MGAT4C: variants seen among roughly 807,000 people sequenced by gnomAD.
MGAT4C encodes alpha-1,3-mannosyl-glycoprotein 4-beta-N-acetylglucosaminyltransferase C.
Under a neutral mutation model 40.1 loss-of-function variants are expected in MGAT4C, and 19 were observed. That is an observed-to-expected ratio of 0.47 (90% CI 0.33 to 0.70). The LOEUF is 0.70. MGAT4C is among the 30% of genes least tolerant of loss of function. The pLI is 0.02. For missense variants in MGAT4C, 491 were observed against 563.2 expected, an observed-to-expected ratio of 0.87 and a Z score of 1.30; for synonymous variants, 181 against 187.1, an observed-to-expected ratio of 0.97 and a Z score of 0.27.
chr12:86,264,711 C>T (rs934680514), intron 4 of MGAT4C, among the ~76,000 whole-genome samples: 3 of 151,558 alleles, frequency 2.0e-5, no homozygotes, highest in Non-Finnish European at 2.9e-5. Context: ...ACCCAAGCAT[C>T]TCTGCACTCT....
intron 3 of MGAT4C, among the ~76,000 whole-genome samples, chr12:86,365,171 C>T (rs576700686): frequency 3.2e-4 from 48 of 152,230 alleles, no homozygotes; most frequent in Non-Finnish European, 2.8e-4. Flanking sequence ...ATGTTCCTTG[C>T]TGAGAAAAAG....
At chr12:86,658,866 A>G (rs139212043) in intron 2 of MGAT4C, among the ~76,000 whole-genome samples, 88 of 152,180 alleles carry the variant, frequency 5.8e-4, no homozygotes, top group African/African-American at 1.9e-3. Context: ...TCTTCTATGC[A>G]TAAGGCTTAA....
upstream of MGAT4C, among the ~76,000 whole-genome samples, chr12:86,259,832 C>T (rs537189792): frequency 2.8e-3 from 27 of 9,486 alleles, no homozygotes; most frequent in African/African-American, 0.021. Context: ...CATAACTCAG[C>T]ACCCTGACTA....
intron 1 of MGAT4C, among the ~76,000 whole-genome samples, chr12:86,751,915 C>A (rs1407900363): frequency 6.6e-6 from 1 of 151,804 alleles, no homozygotes; most frequent in South Asian, 2.1e-4. Flanking sequence ...TTGTTAGGAC[C>A]AGGCTTAATT....
In MGAT4C at chr12:86,109,384, C is replaced by T. The variant is rs954635418; in HGVS notation, c.-56-59661G>A. ...CAAAGAAGTCATATTCTTATACTAGCTATTGTTTCTGAGTTTTCTTAAAGA... is the reference window on the plus strand; with the variant it reads ...CAAAGAAGTCATATTCTTATACTAGTTATTGTTTCTGAGTTTTCTTAAAGA... On this transcript the variant is annotated intron_variant, in intron 1 of 4. Transcript: ENST00000611864. 1.2e-4 allele frequency among the ~76,000 whole-genome samples: 18 copies of T among 151,978 alleles called. 1 individual carries two copies. The highest frequency in any genetic ancestry group is 1.1e-3 in the Admixed American group (16 of 15,218).
chr12:86,138,505 T>TATATATATTTCCATA (rs1491500455), intron 1 of MGAT4C, among the ~76,000 whole-genome samples: 11,159 of 146,796 alleles, frequency 0.076, 783 homozygotes, highest in Middle Eastern at 0.21. Context: ...ATATATATCA[T>TATATATATTTCCATA]GTATATATTT....
chr12:86,670,441 T>C (rs906172297), intron 2 of MGAT4C, among the ~76,000 whole-genome samples: 2 of 151,858 alleles, frequency 1.3e-5, no homozygotes, highest in Non-Finnish European at 2.9e-5. Context: ...CAAAATAAAA[T>C]TGAAAGTTTT....
intron 4 of MGAT4C, among the ~76,000 whole-genome samples, chr12:86,307,966 G>A (rs2136147072): frequency 6.6e-6 from 1 of 150,786 alleles, no homozygotes; most frequent in South Asian, 2.1e-4. Flanking sequence ...GCCTCCCAAA[G>A]TGCTGGGATT....
chr12:86,225,172 G>A (rs1455342371), intron 1 of MGAT4C, among the ~76,000 whole-genome samples: 2 of 152,086 alleles, frequency 1.3e-5, no homozygotes, highest in African/African-American at 4.8e-5. Context: ...ACTGTTATAT[G>A]CTAACAAACT....
At chr12:86,810,089 G>A (rs1952443432) in intron 1 of MGAT4C, among the ~76,000 whole-genome samples, 1 of 151,920 alleles carries the variant, frequency 6.6e-6, no homozygotes, top group African/African-American at 2.4e-5. Context: ...AGTCTTTTAA[G>A]TGTTTACCTC....
intron 2 of MGAT4C, among the ~76,000 whole-genome samples, chr12:86,589,790 C>G (rs1961244778): frequency 6.6e-6 from 1 of 151,936 alleles, no homozygotes; most frequent in African/African-American, 2.4e-5. Flanking sequence ...ATAAACAGAA[C>G]CCAAGACAAA....
At chr12:86,806,053 A>G (rs1952346611) in intron 1 of MGAT4C, among the ~76,000 whole-genome samples, 1 of 151,614 alleles carries the variant, frequency 6.6e-6, no homozygotes, top group Non-Finnish European at 1.5e-5. Flanking sequence ...TTGCTTTATC[A>G]GTTAAGAATC....
At chr12:86,724,647 A>G (rs150263383) in intron 2 of MGAT4C, among the ~76,000 whole-genome samples, 1 of 152,354 alleles carries the variant, frequency 6.6e-6, no homozygotes, top group African/African-American at 2.4e-5. Context: ...AATGAAAATA[A>G]GATGTGCTAT....
intron 1 of MGAT4C, among the ~76,000 whole-genome samples, chr12:86,083,393 G>C (rs1200500441): frequency 6.6e-6 from 1 of 152,000 alleles, no homozygotes; most frequent in Non-Finnish European, 1.5e-5. Context: ...AAAAGTGTTT[G>C]ATGGCTTACT....
intron 1 of MGAT4C, among the ~76,000 whole-genome samples, chr12:86,751,317 A>AT (rs1198749773): frequency 6.6e-6 from 1 of 151,948 alleles, no homozygotes; most frequent in African/African-American, 2.4e-5. Context: ...TGTACTCTAC[A>AT]TTTTTTCTTG....
intron 4 of MGAT4C, among the ~76,000 whole-genome samples, chr12:86,333,182 C>T (rs938096468): frequency 1.3e-5 from 2 of 152,192 alleles, no homozygotes; most frequent in Non-Finnish European, 2.9e-5. Context: ...AAACTTGTCT[C>T]ACCCTCACTT....
At chr12:86,736,007 A>G (rs1032376566) in intron 1 of MGAT4C, among the ~76,000 whole-genome samples, 18 of 151,828 alleles carry the variant, frequency 1.2e-4, no homozygotes, top group African/African-American at 4.4e-4. Flanking sequence ...TACCTTTTCT[A>G]TAAAAAGCCT....
chr12:86,215,815 C>T (rs898925669), intron 1 of MGAT4C, among the ~76,000 whole-genome samples: 6 of 151,870 alleles, frequency 4.0e-5, no homozygotes, highest in Non-Finnish European at 5.9e-5. Context: ...CCAGGAGCAC[C>T]GAGAGATCAA....
chr12:86,631,268 T>G (rs1465058235), intron 2 of MGAT4C, among the ~76,000 whole-genome samples: 1 of 152,096 alleles, frequency 6.6e-6, no homozygotes, highest in East Asian at 1.9e-4. Flanking sequence ...CACAAACAAA[T>G]GGAAAAACAT....
Sources: allele counts gnomAD v4.1 joint callset (sites outside exome capture counted in the v4.1 genomes callset), GRCh38; gene constraint gnomAD v4.1.1; transcripts MANE v1.5; gene names NCBI Gene and HGNC (gene_info 2026-07-23, HGNC 2026-07-21).